Variants in TUT4 observed in about 807,000 individuals in gnomAD.
TUT4 encodes the protein terminal uridylyl transferase 4.
A neutral mutation model predicts 192.2 loss-of-function variants in TUT4; 36 were observed. The observed-to-expected ratio is 0.19, with a 90% CI of 0.14 to 0.25. The LOEUF (loss-of-function observed/expected upper bound fraction) is 0.25, where lower values mean the gene tolerates loss of function less well. Ranked by LOEUF, TUT4 falls within the 10% of genes least tolerant of loss-of-function variation. The probability of loss-of-function intolerance (pLI) is 1.00; values close to 1 mark genes in which losing one functional copy is unlikely to be tolerated. For missense variants in TUT4, 1,493 were observed against 1,957.2 expected (o/e 0.76, Z 4.47); for synonymous variants, 618 against 666.0 (o/e 0.93, Z 1.11).
chr1:52,460,752 G>A (rs746973657), intron 19 of TUT4, among the ~76,000 whole-genome samples: 22 of 152,158 alleles, frequency 1.4e-4, no homozygotes, highest in South Asian at 8.3e-4. Context: ...TAGGAGAAGC[G>A]TAAGGTATTA....
chr1:52,475,129 T>C lies in TUT4; in HGVS notation c.2430A>G (p.Pro810=). 6.2e-7 allele frequency: 1 copy of C among 1,614,200 alleles called. No individual in the cohort carries two copies. The highest frequency in any genetic ancestry group is 8.5e-7 in the Non-Finnish European group (1 of 1,180,038). ...LSTSKSSEIE[P]KLDKKQDDLA... is the part of the protein sequence containing the mutation. ...AATCATCTTGTTTCTTATCTAATTT[T>C]GGCTCTATTTCACTGCTTTTGCTGG... is the stretch of plus-strand genomic sequence containing the variant. The change falls in exon 13 of 30, where the codon CCA becomes CCG. Residue 810 remains proline (P), a synonymous_variant. Transcript: ENST00000257177.
chr1:52,431,500 A>C (rs755574896), intron 27 of TUT4, 40 bp from the exon 28 acceptor site: 2 of 1,342,540 alleles, frequency 1.5e-6, no homozygotes, highest in Admixed American at 5.8e-5. Flanking sequence ...TAATTTATAA[A>C]CATCTTAATT....
intron 4 of TUT4, among the ~76,000 whole-genome samples, chr1:52,503,655 G>A (rs978687889): frequency 2.0e-5 from 3 of 152,128 alleles, no homozygotes; most frequent in African/African-American, 7.2e-5. Flanking sequence ...CTGGGCTCAA[G>A]CAATCCTCCC....
rs565266772 is a variant in TUT4, at chr1:52,472,070, C to T, written c.2760G>A (p.Lys920=). The change falls in exon 14 of 30, where the codon AAG becomes AAA. Residue 920 remains lysine, a synonymous_variant. Transcript: ENST00000257177. ...GGCAATCATTCTTTGAATGGCCATC[C>T]TTTTTGCAGATGCTGCATACTATCG... ...PPTIVCSICK[K]DGHSKNDCPE... is the part of the protein sequence containing the mutation. 2.5e-6 allele frequency: 4 copies of T among 1,613,704 alleles called. No individual in the cohort carries two copies. Among genetic ancestry groups the T allele is most frequent in the African/African-American group, 1.3e-5 (1 of 74,990 alleles).
chr1:52,500,932 A>G (rs1316865717), intron 4 of TUT4, among the ~76,000 whole-genome samples: 3 of 152,172 alleles, frequency 2.0e-5, no homozygotes, highest in Non-Finnish European at 4.4e-5. Flanking sequence ...AAAACAAAAA[A>G]AGAAAAGAAA....
intron 1 of TUT4, among the ~76,000 whole-genome samples, chr1:52,541,691 A>G (rs952124572): frequency 2.6e-5 from 4 of 152,338 alleles, no homozygotes; most frequent in African/African-American, 9.6e-5. Context: ...TTTTTTAGGT[A>G]TGACACTTAA....
chr1:52,461,402 A>T (rs1662516898), intron 18 of TUT4, 111 bp downstream of exon 18: 1 of 1,209,990 alleles, frequency 8.3e-7, no homozygotes, highest in South Asian at 1.5e-5. Context: ...GATAACTAGT[A>T]AAATACTTTT....
At chr1:52,526,934 A>G (rs7545305) in intron 1 of TUT4, among the ~76,000 whole-genome samples, 53,474 of 152,000 alleles carry the variant, frequency 0.35, 13,045 homozygotes, top group African/African-American at 0.7. Context: ...TGAGACAGGA[A>G]AATCACTTGA....
Position 52,509,637 on chromosome 1 carries a change from G to C in TUT4, c.958C>G (p.His320Asp), listed in dbSNP as rs765629779. The change falls in exon 4 of 30, where the codon CAT (histidine) becomes GAT (aspartate). Residue 320 changes from histidine (H) to aspartate (D), a missense_variant. By Grantham distance (81) the His-to-Asp change is moderately conservative. Transcript: ENST00000257177. Reference protein sequence around the residue: ...LIHIENIQGAHKHIKEKRHKK... With the variant: ...LIHIENIQGADKHIKEKRHKK... ...TGTCGTTTCTCCTTTATATGTTTAT[G>C]AGCCCCCTGGATATTTTCAATGTGA... The C allele has an allele frequency of 1.2e-6, 2 of 1,608,482 alleles. No individual in the cohort carries two copies. Among genetic ancestry groups the C allele is most frequent in the Non-Finnish European group, 1.7e-6 (2 of 1,175,628 alleles).
At chr1:52,541,427 G>A (rs1330112556) in intron 1 of TUT4, among the ~76,000 whole-genome samples, 7 of 151,542 alleles carry the variant, frequency 4.6e-5, no homozygotes, top group South Asian at 4.2e-4. Flanking sequence ...AGCTACTTGG[G>A]AGGCTGAGGC....
intron 20 of TUT4, among the ~76,000 whole-genome samples, chr1:52,455,377 G>A (rs1347155594): frequency 3.3e-5 from 5 of 152,050 alleles, no homozygotes; most frequent in Non-Finnish European, 7.4e-5. Flanking sequence ...CACTTTGAGA[G>A]GCCGAGGTGG....
intron 28 of TUT4, 84 bp from the exon 29 acceptor site, chr1:52,425,591 C>A: frequency 7.1e-7 from 1 of 1,417,414 alleles, no homozygotes; most frequent in South Asian, 1.5e-5. Context: ...AAGATATATT[C>A]AGTACCTACC....
At chr1:52,435,193 A>T (rs1199097739) in intron 27 of TUT4, 172 bp downstream of exon 27, 3 of 440,544 alleles carry the variant, frequency 6.8e-6, no homozygotes, top group Non-Finnish European at 1.2e-5. Flanking sequence ...CCAGATCTAC[A>T]TTATTCCAAA....
intron 8 of TUT4, among the ~76,000 whole-genome samples, chr1:52,490,247 C>A (rs955344666): frequency 6.7e-6 from 1 of 150,048 alleles, no homozygotes; most frequent in Non-Finnish European, 1.5e-5. Context: ...ACCTCCCAGG[C>A]TCAGGCCATC....
intron 2 of TUT4, 131 bp from the exon 3 acceptor site, chr1:52,516,185 A>T: frequency 1.3e-6 from 1 of 743,288 alleles, no homozygotes; most frequent in East Asian, 2.7e-5. Flanking sequence ...GAAAGTATAC[A>T]AGTTGGTATG....
intron 3 of TUT4, among the ~76,000 whole-genome samples, chr1:52,510,701 G>A (rs1430654367): frequency 6.6e-6 from 1 of 152,146 alleles, no homozygotes; most frequent in African/African-American, 2.4e-5. Flanking sequence ...CACTATGCTA[G>A]GTGTTTAACA....
chr1:52,528,189 A>G (rs1380009543), intron 1 of TUT4, among the ~76,000 whole-genome samples: 8 of 146,664 alleles, frequency 5.5e-5, no homozygotes, highest in Non-Finnish European at 1.2e-4. Flanking sequence ...GAAAAAAATA[A>G]TAATAATAAT....
intron 1 of TUT4, among the ~76,000 whole-genome samples, chr1:52,532,337 T>A (rs1273877755): frequency 1.3e-5 from 2 of 152,008 alleles, no homozygotes; most frequent in Non-Finnish European, 2.9e-5. Flanking sequence ...TTTTAGCTTT[T>A]TTTTTTTATA....
intron 2 of TUT4, among the ~76,000 whole-genome samples, chr1:52,523,328 C>T (rs551773549): frequency 2.7e-5 from 4 of 149,778 alleles, no homozygotes; most frequent in Admixed American, 2.0e-4. Context: ...TTTACTGGCC[C>T]GGTGTAGTGG....
Sources: allele counts gnomAD v4.1 joint callset (sites outside exome capture counted in the v4.1 genomes callset), GRCh38; gene constraint gnomAD v4.1.1; transcripts MANE v1.5; gene names NCBI Gene and HGNC (gene_info 2026-07-23, HGNC 2026-07-21).